LINGO2: variants seen among roughly 807,000 people sequenced by gnomAD.
LINGO2 encodes the protein leucine rich repeat and Ig domain containing 2.
LINGO2 carries 14 observed loss-of-function variants against 30.6 expected under a neutral mutation model. The observed-to-expected ratio is 0.46, with a 90% confidence interval of 0.30 to 0.72. The LOEUF (loss-of-function observed/expected upper bound fraction) is 0.72. Among genes scored for constraint, LINGO2 ranks in the 30% least tolerant of loss-of-function variants. LINGO2 has a pLI of 0.07. For synonymous variants in LINGO2, 317 were observed against 288.5 expected (o/e 1.10, Z -1.00); for missense variants, 729 against 751.7 (o/e 0.97, Z 0.35).
chr9:29,178,787 AG>A, the LINGO2 span, among the ~76,000 whole-genome samples: 2 of 152,066 alleles, frequency 1.3e-5, no homozygotes, highest in Non-Finnish European at 2.9e-5. Flanking sequence ...GGAAGAGGAA[AG>A]GAAACAGTAA....
At chr9:28,444,235 T>G (rs977701025) in intron 2 of LINGO2, among the ~76,000 whole-genome samples, 3 of 152,218 alleles carry the variant, frequency 2.0e-5, no homozygotes, top group African/African-American at 7.2e-5. Context: ...CTCGCTGAGC[T>G]GCAGGTGGTG....
At chr9:29,032,338 T>C in the LINGO2 span, among the ~76,000 whole-genome samples, 2 of 152,162 alleles carry the variant, frequency 1.3e-5, no homozygotes, top group African/African-American at 2.4e-5. Flanking sequence ...TCATCCCACC[T>C]TTCTGAGACA....
chr9:28,636,092 G>A (rs370851700), intron 1 of LINGO2, among the ~76,000 whole-genome samples: 41 of 152,014 alleles, frequency 2.7e-4, no homozygotes, highest in East Asian at 1.2e-3. Flanking sequence ...TTCTGTCCTC[G>A]TGATGGTTTG....
At chr9:29,080,541 G>A in the LINGO2 span, among the ~76,000 whole-genome samples, 1 of 152,008 alleles carries the variant, frequency 6.6e-6, no homozygotes, top group Non-Finnish European at 1.5e-5. Context: ...ATGTTAGCGT[G>A]TCAATTTTAG....
chr9:28,155,157 G>A (rs1224611523), intron 4 of LINGO2, among the ~76,000 whole-genome samples: 1 of 152,136 alleles, frequency 6.6e-6, no homozygotes, highest in African/African-American at 2.4e-5. Context: ...GGAAAACAAG[G>A]TTATCTTGAT....
chr9:28,330,250 T>G (rs752643927), intron 3 of LINGO2, among the ~76,000 whole-genome samples: 3 of 152,178 alleles, frequency 2.0e-5, no homozygotes, highest in Non-Finnish European at 4.4e-5. Context: ...AATCTTGAAT[T>G]CCTCAGCCTC....
the LINGO2 span, among the ~76,000 whole-genome samples, chr9:28,892,544 C>T: frequency 6.6e-6 from 1 of 151,958 alleles, no homozygotes; most frequent in Non-Finnish European, 1.5e-5. Flanking sequence ...AAACTATATA[C>T]ACAACTTAAA....
intron 3 of LINGO2, among the ~76,000 whole-genome samples, chr9:28,354,995 C>T (rs1294576084): frequency 1.3e-5 from 2 of 152,098 alleles, no homozygotes; most frequent in East Asian, 3.9e-4. Flanking sequence ...CATGATTTGA[C>T]ACATTTTAAA....
At chr9:28,161,201 G>A (rs1451026872) in intron 4 of LINGO2, among the ~76,000 whole-genome samples, 1 of 152,090 alleles carries the variant, frequency 6.6e-6, no homozygotes, top group Admixed American at 6.6e-5. Flanking sequence ...GTTGATACCG[G>A]TGGTCAGTAA....
the LINGO2 span, among the ~76,000 whole-genome samples, chr9:29,161,632 G>C: frequency 6.6e-6 from 1 of 152,170 alleles, no homozygotes; most frequent in Admixed American, 6.5e-5. Context: ...GTAGGAGGTA[G>C]AGCCTGATAA....
At chr9:29,115,353 T>A in the LINGO2 span, among the ~76,000 whole-genome samples, 3 of 152,198 alleles carry the variant, frequency 2.0e-5, no homozygotes, top group Admixed American at 2.0e-4. Flanking sequence ...TTGGTAATGA[T>A]CTTCCTACAT....
At chr9:28,654,591 T>C (rs572189163) in intron 1 of LINGO2, among the ~76,000 whole-genome samples, 111 of 152,182 alleles carry the variant, frequency 7.3e-4, no homozygotes, top group African/African-American at 2.1e-3. Flanking sequence ...AAGTAAATGA[T>C]TTTTAAGTTT....
chr9:27,941,944 G>A, the LINGO2 span: 1 of 152,124 alleles, frequency 6.6e-6, no homozygotes, highest in African/African-American at 2.4e-5. Flanking sequence ...GGGTGGTGTT[G>A]TATGTATGGC....
At chr9:28,790,069 T>C in the LINGO2 span, among the ~76,000 whole-genome samples, 2 of 152,130 alleles carry the variant, frequency 1.3e-5, no homozygotes. Context: ...ATTCCAGAAA[T>C]AAATATCTCA....
At chr9:28,909,159 C>T in the LINGO2 span, among the ~76,000 whole-genome samples, 1 of 152,042 alleles carries the variant, frequency 6.6e-6, no homozygotes, top group Admixed American at 6.6e-5. Context: ...CAACTCTCTT[C>T]TGTCTGATAG....
the LINGO2 span, among the ~76,000 whole-genome samples, chr9:28,734,235 G>T: frequency 6.6e-6 from 1 of 152,144 alleles, no homozygotes; most frequent in African/African-American, 2.4e-5. Flanking sequence ...TATCCCAGAA[G>T]GCTAAGTGAC....
chr9:27,990,894 G>A (rs758625664), intron 5 of LINGO2, among the ~76,000 whole-genome samples: 16 of 151,990 alleles, frequency 1.1e-4, no homozygotes, highest in Admixed American at 3.9e-4. Flanking sequence ...TTTCTCCAGC[G>A]TGCCTAAAAG....
At chr9:28,192,515 C>G (rs1819858132) in intron 4 of LINGO2, among the ~76,000 whole-genome samples, 1 of 152,054 alleles carries the variant, frequency 6.6e-6, no homozygotes, top group Admixed American at 6.6e-5. Context: ...TTGGTGGCCT[C>G]CTCTCCTTTC....
chr9:29,121,485 A>T, the LINGO2 span, among the ~76,000 whole-genome samples: 11 of 152,128 alleles, frequency 7.2e-5, no homozygotes, highest in African/African-American at 2.7e-4. Flanking sequence ...TGAAATTATA[A>T]AACATTTTGT....
Sources: allele counts gnomAD v4.1 joint callset (sites outside exome capture counted in the v4.1 genomes callset), GRCh38; gene constraint gnomAD v4.1.1; transcripts MANE v1.5; gene names NCBI Gene and HGNC (gene_info 2026-07-23, HGNC 2026-07-21).